Variants in DNAJB1 observed in about 807,000 individuals in gnomAD.
DNAJB1 encodes dnaJ homolog subfamily B member 1.
A neutral mutation model predicts 24.0 loss-of-function variants in DNAJB1; 14 were observed. The ratio of observed to expected loss-of-function variants is 0.58; its 90% CI spans 0.39 to 0.91. DNAJB1 has a LOEUF of 0.91. Among genes scored for constraint, DNAJB1 ranks in the 40% least tolerant of loss-of-function variants. DNAJB1 has a pLI of 0.00. For missense variants in DNAJB1, 517 were observed against 458.1 expected (o/e 1.13, Z -1.17); for synonymous variants, 262 against 174.4 (o/e 1.50, Z -3.96).
rs2072257548 is a variant in DNAJB1, at chr19:14,516,178, A to G, written c.793-8T>C. The G allele has an allele frequency of 1.2e-6, 2 of 1,613,254 alleles. No individual in the cohort carries two copies. Among genetic ancestry groups the G allele is most frequent in the Non-Finnish European group, 8.5e-7 (1 of 1,179,882 alleles). Reference sequence around the variant, plus strand: ...TGTGCAGCCACACAGAGCCTTGAAAAGCAAAAGGACAGCATTAGATGGAAG... The same window carrying G: ...TGTGCAGCCACACAGAGCCTTGAAAGGCAAAAGGACAGCATTAGATGGAAG... On this transcript the variant is annotated splice_region_variant and splice_polypyrimidine_tract_variant and intron_variant, in intron 2 of 2. Coordinates refer to ENST00000254322, the MANE Select transcript of DNAJB1 (RefSeq NM_006145.3).
upstream of DNAJB1, chr19:14,529,530 C>T (rs1411594024): frequency 1.1e-6 from 1 of 944,122 alleles, no homozygotes; most frequent in African/African-American, 1.6e-5. Context: ...ACGTGGGCGC[C>T]TCGTGCCCTG....
At chr19:14,549,644 C>G (rs1309945289) in intron 1 of DNAJB1, among the ~76,000 whole-genome samples, 1 of 151,844 alleles carries the variant, frequency 6.6e-6, no homozygotes, top group Non-Finnish European at 1.5e-5. Flanking sequence ...AGCTTTTGGC[C>G]TCTTTATAAA....
chr19:14,537,087 T>TGAGGAGGAG (rs1288915314), intron 1 of DNAJB1, among the ~76,000 whole-genome samples: 4 of 129,090 alleles, frequency 3.1e-5, no homozygotes, highest in Non-Finnish European at 6.5e-5. Flanking sequence ...AGGCATGTCC[T>TGAGGAGGAG]GAGGAGGAGG....
upstream of DNAJB1, among the ~76,000 whole-genome samples, chr19:14,522,683 GACACACAC>G (rs56121204): frequency 0.24 from 28,192 of 117,576 alleles, 3,381 homozygotes; most frequent in Middle Eastern, 0.38. Context: ...CACACACACA[GACACACAC>G]ACACACACAC....
intron 1 of DNAJB1, among the ~76,000 whole-genome samples, chr19:14,559,011 A>G (rs1339062576): frequency 6.6e-6 from 1 of 151,952 alleles, no homozygotes; most frequent in Non-Finnish European, 1.5e-5. Context: ...CACAGAGCAG[A>G]GATTGGGGTG....
intron 1 of DNAJB1, among the ~76,000 whole-genome samples, chr19:14,558,775 C>T (rs550619404): frequency 1.4e-4 from 21 of 152,250 alleles, no homozygotes; most frequent in African/African-American, 2.2e-4. Context: ...CCAGCCCCTC[C>T]GAGTGGCTCC....
rs550416261 is a variant in DNAJB1, at chr19:14,558,380, G to C, written c.-2166+1651C>G. Among the ~76,000 whole-genome samples the C allele has an allele frequency of 5.3e-5, 8 of 152,308 alleles. No individual in the cohort carries two copies. The South Asian group carries it at 1.0e-3, about 20-fold the overall frequency. Reference sequence around the variant, plus strand: ...TGTTGCTTGCGGCACTCCCCTCTGGGCTTGGGAGGCACAAACCTCGCCCCT... The same window carrying C: ...TGTTGCTTGCGGCACTCCCCTCTGGCCTTGGGAGGCACAAACCTCGCCCCT... On this transcript the variant is annotated intron_variant, in intron 1 of 5. Transcript: ENST00000679223.
At chr19:14,524,120 T>C (rs562209281) in intron 2 of DNAJB1, among the ~76,000 whole-genome samples, 1 of 152,314 alleles carries the variant, frequency 6.6e-6, no homozygotes, top group East Asian at 1.9e-4. Context: ...GTGTTTAGCA[T>C]ACTGAGTGCT....
intron 1 of DNAJB1, among the ~76,000 whole-genome samples, chr19:14,538,388 G>T (rs2420533): frequency 0.02 from 2,979 of 152,212 alleles, 83 homozygotes; most frequent in African/African-American, 0.064. Context: ...GAAGTGCTCA[G>T]CATGCTTCGC....
upstream of DNAJB1, chr19:14,529,749 G>T: frequency 6.2e-7 from 1 of 1,613,876 alleles, no homozygotes; most frequent in South Asian, 1.1e-5. Flanking sequence ...GGCCACTGCT[G>T]ACCCATTCTT....
At chr19:14,554,679 C>T (rs1221749456), upstream of DNAJB1, among the ~76,000 whole-genome samples, 3 of 152,140 alleles carry the variant, frequency 2.0e-5, no homozygotes, top group Admixed American at 2.0e-4. Flanking sequence ...GCCTGCTCCT[C>T]CCTCCTTCCC....
intron 1 of DNAJB1, among the ~76,000 whole-genome samples, chr19:14,536,414 C>T (rs113345030): frequency 0.02 from 2,995 of 151,898 alleles, 82 homozygotes; most frequent in African/African-American, 0.064. Flanking sequence ...GGATTACAGG[C>T]GCCCACCACC....
rs1055770582 is a variant in DNAJB1 at position 14,559,509 on chromosome 19, C to T, written c.-2166+522G>A. On this transcript the variant is annotated intron_variant, in intron 1 of 5. Coordinates refer to the DNAJB1 transcript ENST00000679223. ...TTCTTACTTAGAAATAATTATAGGC[C>T]GGGCCAGGTGGCTCACGCCTATAAT... Among the ~76,000 whole-genome samples, 11 of 151,850 alleles carry T rather than the reference C, an allele frequency of 7.2e-5. No individual in the cohort carries two copies. The South Asian group carries it at 1.2e-3, about 17-fold the overall frequency.
At chr19:14,557,773 T>C (rs903782802) in intron 1 of DNAJB1, among the ~76,000 whole-genome samples, 1 of 150,746 alleles carries the variant, frequency 6.6e-6, no homozygotes, top group African/African-American at 2.4e-5. Context: ...TCTTTTTTTT[T>C]GAGATGGAGT....
chr19:14,540,756 T>C (rs1014669659), intron 1 of DNAJB1, among the ~76,000 whole-genome samples: 29 of 152,190 alleles, frequency 1.9e-4, no homozygotes, highest in Non-Finnish European at 5.9e-5. Flanking sequence ...CTCGAACTCT[T>C]GATCTTAAGT....
upstream of DNAJB1, among the ~76,000 whole-genome samples, chr19:14,553,071 A>G (rs1198196575): frequency 6.6e-6 from 1 of 151,946 alleles, no homozygotes; most frequent in Admixed American, 6.6e-5. Flanking sequence ...AGGTTCTCCA[A>G]CTTCCCACTG....
At chr19:14,546,825 G>A (rs1239415139) in intron 1 of DNAJB1, among the ~76,000 whole-genome samples, 1 of 152,130 alleles carries the variant, frequency 6.6e-6, no homozygotes, top group Non-Finnish European at 1.5e-5. Flanking sequence ...AGGTAGCTGG[G>A]ACTACAGGTG....
chr19:14,542,841 C>T (rs1190331606), intron 1 of DNAJB1, among the ~76,000 whole-genome samples: 2 of 152,214 alleles, frequency 1.3e-5, no homozygotes, highest in Admixed American at 6.5e-5. Context: ...CTCTGTGGCC[C>T]TGTAGCTGTG....
chr19:14,557,102 T>C (rs1452232115), intron 1 of DNAJB1, among the ~76,000 whole-genome samples: 1 of 137,714 alleles, frequency 7.3e-6, no homozygotes, highest in Non-Finnish European at 1.6e-5. Flanking sequence ...GTTCTGCTAG[T>C]GTTGGTCTAA....
Sources: allele counts gnomAD v4.1 joint callset (sites outside exome capture counted in the v4.1 genomes callset), GRCh38; gene constraint gnomAD v4.1.1; transcripts MANE v1.5; gene names NCBI Gene and HGNC (gene_info 2026-07-23, HGNC 2026-07-21).